Variants in CDH13 observed in about 807,000 individuals in gnomAD.
CDH13 encodes cadherin-13.
In CDH13, 24 loss-of-function variants were observed where a neutral mutation model predicts 63.8. The ratio of observed to expected loss-of-function variants is 0.38; its 90% CI spans 0.27 to 0.53. The LOEUF (loss-of-function observed/expected upper bound fraction) is 0.53, where lower values mean the gene tolerates loss of function less well. Ranked by LOEUF, CDH13 falls within the 20% of genes least tolerant of loss-of-function variation. The probability of loss-of-function intolerance (pLI) is 0.85; values close to 1 mark genes in which losing one functional copy is unlikely to be tolerated. For synonymous variants in CDH13, 503 were observed against 355.3 expected (o/e 1.42, Z -4.67); for missense variants, 1,049 against 903.1 (o/e 1.16, Z -2.07).
chr16:83,781,065 G>C (rs1915486689), intron 12 of CDH13, among the ~76,000 whole-genome samples: 1 of 151,938 alleles, frequency 6.6e-6, no homozygotes, highest in Non-Finnish European at 1.5e-5. Context: ...CAAATCCTTG[G>C]CCACCATTGA....
chr16:82,823,639 C>A (rs1010061034), intron 1 of CDH13: 1 of 152,042 alleles, frequency 6.6e-6, no homozygotes, highest in African/African-American at 2.4e-5. Context: ...AAAGGGAAAT[C>A]TTAAAGTATT....
intron 1 of CDH13, among the ~76,000 whole-genome samples, chr16:82,658,879 A>T (rs879266490): frequency 6.6e-6 from 1 of 152,184 alleles, no homozygotes; most frequent in Non-Finnish European, 1.5e-5. Flanking sequence ...TGTAACTTTG[A>T]CTAGACACTT....
At chr16:83,117,147 A>C (rs1230523678) in intron 3 of CDH13, among the ~76,000 whole-genome samples, 1 of 152,016 alleles carries the variant, frequency 6.6e-6, no homozygotes, top group Admixed American at 6.5e-5. Flanking sequence ...TTGCAACTGG[A>C]CTCCTCAGCT....
chr16:82,968,671 C>T (rs1363191746), intron 2 of CDH13, among the ~76,000 whole-genome samples: 2 of 152,220 alleles, frequency 1.3e-5, no homozygotes, highest in Non-Finnish European at 2.9e-5. Context: ...CCCACCCAGG[C>T]AGGATGAATT....
chr16:82,820,838 A>C (rs2037971228), intron 1 of CDH13, among the ~76,000 whole-genome samples: 1 of 152,166 alleles, frequency 6.6e-6, no homozygotes, highest in African/African-American at 2.4e-5. Context: ...TTCTTATTGG[A>C]GTATAACAAC....
At chr16:82,988,073 T>A (rs892658671) in intron 2 of CDH13, among the ~76,000 whole-genome samples, 2 of 152,226 alleles carry the variant, frequency 1.3e-5, no homozygotes, top group African/African-American at 4.8e-5. Flanking sequence ...TTTTACATCT[T>A]GTAGCAATAA....
At position 83,475,430 on chromosome 16, in the gene CDH13, A is replaced by C. The variant is rs577068666; in HGVS notation, c.782-11047A>C. 1.3e-3 allele frequency among the ~76,000 whole-genome samples: 205 copies of C among 152,334 alleles called. 4 individuals carry two copies. In the South Asian group the frequency reaches 0.039, roughly 29 times the overall value. ...CAAGGGTCTGGATCCCTAAGCTGCCACTTGGAGAGAGGATCTGCCCCTTGA... is the reference window on the plus strand; with the variant it reads ...CAAGGGTCTGGATCCCTAAGCTGCCCCTTGGAGAGAGGATCTGCCCCTTGA... On this transcript the variant is annotated intron_variant, in intron 6 of 13. Coordinates refer to ENST00000567109, the MANE Select transcript of CDH13 (RefSeq NM_001257.5).
chr16:83,325,258 G>A (rs1289164237), intron 5 of CDH13, among the ~76,000 whole-genome samples: 1 of 150,480 alleles, frequency 6.6e-6, no homozygotes. Context: ...GCTACAATAG[G>A]GGCACCTTAT....
chr16:82,843,254 C>A (rs1402513971), intron 1 of CDH13, among the ~76,000 whole-genome samples: 1 of 152,180 alleles, frequency 6.6e-6, no homozygotes, highest in African/African-American at 2.4e-5. Context: ...TTGGCACTGA[C>A]ACACAGTAGG....
At chr16:83,239,336 G>A (rs879820038) in intron 5 of CDH13, among the ~76,000 whole-genome samples, 19 of 152,172 alleles carry the variant, frequency 1.2e-4, no homozygotes, top group Non-Finnish European at 2.1e-4. Flanking sequence ...TCAAGGGTGC[G>A]TGAGGAGAGA....
chr16:83,112,202 C>T (rs2035088532), intron 3 of CDH13, among the ~76,000 whole-genome samples: 1 of 152,196 alleles, frequency 6.6e-6, no homozygotes, highest in Non-Finnish European at 1.5e-5. Flanking sequence ...CACATGCAAC[C>T]ATTGTGTATT....
chr16:82,972,637 G>T (rs1908929924), intron 2 of CDH13, among the ~76,000 whole-genome samples: 1 of 152,206 alleles, frequency 6.6e-6, no homozygotes, highest in Admixed American at 6.5e-5. Flanking sequence ...GCCAAGGATA[G>T]TGCCTGTCAC....
intron 1 of CDH13, among the ~76,000 whole-genome samples, chr16:82,704,837 A>T (rs866495800): frequency 4.6e-5 from 7 of 152,342 alleles, no homozygotes; most frequent in Middle Eastern, 3.4e-3. Flanking sequence ...GATTTGTATG[A>T]AATAAATAGG....
intron 5 of CDH13, among the ~76,000 whole-genome samples, chr16:83,284,331 C>G (rs577669174): frequency 6.6e-6 from 1 of 152,096 alleles, no homozygotes; most frequent in Non-Finnish European, 1.5e-5. Context: ...TGACTTTGAG[C>G]AAATTGCCTG....
At chr16:82,873,500 C>T (rs1010168808) in intron 2 of CDH13, among the ~76,000 whole-genome samples, 7 of 152,110 alleles carry the variant, frequency 4.6e-5, no homozygotes, top group Admixed American at 2.6e-4. Context: ...TTGATAGTTT[C>T]ACAGGACAGT....
intron 3 of CDH13, among the ~76,000 whole-genome samples, chr16:83,037,320 A>G (rs1916951695): frequency 6.6e-6 from 1 of 152,166 alleles, no homozygotes; most frequent in Admixed American, 6.5e-5. Context: ...GAAACTGACA[A>G]AAATGAGATT....
chr16:83,179,352 A>G (rs939810026), intron 4 of CDH13, among the ~76,000 whole-genome samples: 13 of 152,000 alleles, frequency 8.6e-5, no homozygotes, highest in African/African-American at 3.1e-4. Context: ...TTTACTATCA[A>G]CAAAAGGGAG....
At chr16:83,659,199 C>G (rs1390318258) in intron 8 of CDH13, among the ~76,000 whole-genome samples, 1 of 149,898 alleles carries the variant, frequency 6.7e-6, no homozygotes, top group African/African-American at 2.5e-5. Flanking sequence ...GGTCCCATAT[C>G]CTCACCACCA....
chr16:83,294,956 T>A (rs1374872834), intron 5 of CDH13, among the ~76,000 whole-genome samples: 1 of 152,018 alleles, frequency 6.6e-6, no homozygotes, highest in Non-Finnish European at 1.5e-5. Context: ...AAGCTGTAGG[T>A]ATCACACTAC....
Sources: allele counts gnomAD v4.1 joint callset (sites outside exome capture counted in the v4.1 genomes callset), GRCh38; gene constraint gnomAD v4.1.1; transcripts MANE v1.5; gene names NCBI Gene and HGNC (gene_info 2026-07-23, HGNC 2026-07-21).